IL1RAPL2: variants seen among roughly 807,000 people sequenced by gnomAD.
IL1RAPL2 encodes interleukin 1 receptor accessory protein like 2.
A neutral mutation model predicts 44.1 loss-of-function variants in IL1RAPL2; 3 were observed. The observed-to-expected ratio is 0.07, with a 90% CI of 0.03 to 0.18. IL1RAPL2 has a LOEUF of 0.18. Among genes scored for constraint, IL1RAPL2 ranks in the 10% least tolerant of loss-of-function variants. The pLI is 1.00. For missense variants in IL1RAPL2, 391 were observed against 496.4 expected, an observed-to-expected ratio of 0.79 and a Z score of 2.02; for synonymous variants, 181 against 178.8, an observed-to-expected ratio of 1.01 and a Z score of -0.10.
At chrX:105,191,148 T>A (rs1405753320) in intron 2 of IL1RAPL2, among the ~76,000 whole-genome samples, 1 of 112,887 alleles carries the variant, frequency 8.9e-6, no homozygotes, top group East Asian at 2.8e-4. Context: ...GATACGAGTT[T>A]TATACAAGTG....
chrX:104,663,809 T>A (rs751185158), intron 2 of IL1RAPL2, among the ~76,000 whole-genome samples: 6 of 104,929 alleles, frequency 5.7e-5, no homozygotes, highest in Admixed American at 3.3e-4. Flanking sequence ...AGAAAGAATG[T>A]GTGGCCAGAA....
intron 1 of IL1RAPL2, among the ~76,000 whole-genome samples, chrX:104,611,370 C>T (rs1196514913): frequency 2.7e-5 from 3 of 111,235 alleles, no homozygotes; most frequent in Non-Finnish European, 5.7e-5. Flanking sequence ...GAGGTGGACT[C>T]TAGAGGCAGT....
intron 5 of IL1RAPL2, among the ~76,000 whole-genome samples, chrX:105,340,068 A>T (rs749316850): frequency 3.6e-5 from 4 of 111,804 alleles, no homozygotes; most frequent in Non-Finnish European, 7.5e-5. Flanking sequence ...TCAAATTAAA[A>T]TATCTGTATC....
chrX:105,250,229 T>C (rs1324125821), intron 4 of IL1RAPL2, among the ~76,000 whole-genome samples: 1 of 105,381 alleles, frequency 9.5e-6, no homozygotes, highest in Non-Finnish European at 1.9e-5. Flanking sequence ...GGAATCAATA[T>C]ATGGATCACA....
chrX:104,789,174 G>C (rs1160115089), intron 2 of IL1RAPL2, among the ~76,000 whole-genome samples: 1 of 111,474 alleles, frequency 9.0e-6, no homozygotes, highest in African/African-American at 3.3e-5. Context: ...GGGGGTACAT[G>C]TACAGGTTTG....
chrX:105,256,869 C>G (rs1480004649), intron 4 of IL1RAPL2, among the ~76,000 whole-genome samples: 1 of 111,336 alleles, frequency 9.0e-6, no homozygotes, highest in Non-Finnish European at 1.9e-5. Context: ...CTTTATTAGT[C>G]TAGCTAGTGG....
chrX:105,074,386 G>C (rs1282141376), intron 2 of IL1RAPL2, among the ~76,000 whole-genome samples: 1 of 111,262 alleles, frequency 9.0e-6, no homozygotes, highest in Non-Finnish European at 1.9e-5. Flanking sequence ...GCTCTGTTCT[G>C]TTCCATTGGT....
At chrX:105,273,210 G>A (rs940119525) in intron 5 of IL1RAPL2, among the ~76,000 whole-genome samples, 1 of 111,129 alleles carries the variant, frequency 9.0e-6, no homozygotes, top group Non-Finnish European at 1.9e-5. Flanking sequence ...TTCTCATTTA[G>A]TCCTCACAAC....
At chrX:104,954,892 T>C (rs1267030742) in intron 2 of IL1RAPL2, among the ~76,000 whole-genome samples, 1 of 113,210 alleles carries the variant, frequency 8.8e-6, no homozygotes, top group African/African-American at 3.2e-5. Flanking sequence ...AACAGTTTTA[T>C]TGAGGCAGCA....
chrX:105,038,146 C>T (rs926300775), intron 2 of IL1RAPL2, among the ~76,000 whole-genome samples: 1 of 111,160 alleles, frequency 9.0e-6, no homozygotes, highest in Non-Finnish European at 1.9e-5. Flanking sequence ...AGCATCAGGC[C>T]CACACTTCTG....
chrX:105,668,059 G>A (rs1219010486), intron 6 of IL1RAPL2, among the ~76,000 whole-genome samples: 12 of 103,370 alleles, frequency 1.2e-4, no homozygotes, highest in Non-Finnish European at 2.0e-4. Context: ...ATGGGGTGGG[G>A]GGAATGGGTT....
rs188623363 is a variant in IL1RAPL2, at chrX:105,032,833, G to A, written c.83-162642G>A. On this transcript the variant is annotated intron_variant, in intron 2 of 10. Coordinates refer to ENST00000372582, the MANE Select transcript of IL1RAPL2 (RefSeq NM_017416.2). ...CTAATGTTGACAGTGGGGTGTTAAAGTCTCCCATTATTATTGTGTGGGAGT... is the reference window on the plus strand; with the variant it reads ...CTAATGTTGACAGTGGGGTGTTAAAATCTCCCATTATTATTGTGTGGGAGT... 5.4e-3 allele frequency among the ~76,000 whole-genome samples: 596 copies of A among 111,202 alleles called. 4 individuals are homozygous for A. Among genetic ancestry groups the A allele is most frequent in the African/African-American group, 0.019 (566 of 30,509 alleles).
At chrX:105,722,612 C>A (rs770760124) in intron 7 of IL1RAPL2, among the ~76,000 whole-genome samples, 6 of 111,974 alleles carry the variant, frequency 5.4e-5, no homozygotes, top group African/African-American at 1.6e-4. Flanking sequence ...CGGCAGAATA[C>A]TGAGAATTTT....
intron 2 of IL1RAPL2, among the ~76,000 whole-genome samples, chrX:104,698,271 C>T (rs193207365): frequency 3.9e-3 from 444 of 112,442 alleles, no homozygotes; most frequent in African/African-American, 0.014. Flanking sequence ...TCATATACTG[C>T]TCCTTAGAAA....
intron 6 of IL1RAPL2, among the ~76,000 whole-genome samples, chrX:105,690,879 A>AT (rs1326961750): frequency 3.6e-5 from 4 of 111,152 alleles, no homozygotes; most frequent in Non-Finnish European, 5.7e-5. Flanking sequence ...ATCAACAAAA[A>AT]TTTTTTCCTC....
At chrX:104,729,985 G>A (rs933022268) in intron 2 of IL1RAPL2, among the ~76,000 whole-genome samples, 22 of 110,808 alleles carry the variant, frequency 2.0e-4, no homozygotes, top group Admixed American at 1.9e-3. Flanking sequence ...AATATCAACC[G>A]AAAGAAAGCC....
At chrX:104,864,542 A>G (rs1388115096) in intron 2 of IL1RAPL2, among the ~76,000 whole-genome samples, 6 of 111,794 alleles carry the variant, frequency 5.4e-5, no homozygotes, top group Non-Finnish European at 1.1e-4. Flanking sequence ...TTGAGTGTCA[A>G]CTTGATTGGA....
chrX:105,344,631 A>T (rs1024874735), intron 5 of IL1RAPL2, among the ~76,000 whole-genome samples: 1 of 111,994 alleles, frequency 8.9e-6, no homozygotes, highest in African/African-American at 3.2e-5. Context: ...TAGTTCATTC[A>T]TAGGACAAGT....
At chrX:105,139,667 C>G (rs2033108500) in intron 2 of IL1RAPL2, among the ~76,000 whole-genome samples, 1 of 111,568 alleles carries the variant, frequency 9.0e-6, no homozygotes, top group Non-Finnish European at 1.9e-5. Flanking sequence ...GCTCATGTCT[C>G]TTTTCATAAG....
Sources: allele counts gnomAD v4.1 joint callset (sites outside exome capture counted in the v4.1 genomes callset), GRCh38; gene constraint gnomAD v4.1.1; transcripts MANE v1.5; gene names NCBI Gene and HGNC (gene_info 2026-07-23, HGNC 2026-07-21).